The following CCM2 variants were observed in gnomAD, a reference collection of about 807,000 sequenced individuals.
CCM2 encodes the protein CCM2 scaffold protein, also known as cerebral cavernous malformations 2 protein.
Under a neutral mutation model 44.9 loss-of-function variants are expected in CCM2, and 25 were observed. The ratio of observed to expected loss-of-function variants is 0.56; its 90% confidence interval spans 0.41 to 0.78. The LOEUF is 0.78. CCM2 is among the 30% of genes least tolerant of loss of function. The pLI is 0.00. For missense variants in CCM2, 481 were observed against 580.6 expected, an observed-to-expected ratio of 0.83 and a Z score of 1.76; for synonymous variants, 219 against 241.1, an observed-to-expected ratio of 0.91 and a Z score of 0.85.
At chr7:45,002,346 A>C (rs964679071) in intron 1 of CCM2, among the ~76,000 whole-genome samples, 1 of 152,176 alleles carries the variant, frequency 6.6e-6, no homozygotes, top group Non-Finnish European at 1.5e-5. Flanking sequence ...CCAAGGCTCG[A>C]TCACTTTAGC....
At chr7:45,027,378 T>C in intron 1 of CCM2, 1 of 423,064 alleles carries the variant, frequency 2.4e-6, no homozygotes, top group South Asian at 2.1e-5. Context: ...ATGTGCAGAA[T>C]GGTGGACTTT....
intron 4 of CCM2, chr7:45,067,547 A>C (rs1055645471): frequency 1.3e-5 from 2 of 152,226 alleles, no homozygotes; most frequent in African/African-American, 4.8e-5. Context: ...AAAATCGTTG[A>C]GCTACATAGC....
chr7:45,027,720 C>T (rs376876775), intron 1 of CCM2: 49 of 1,613,884 alleles, frequency 3.0e-5, no homozygotes, highest in Middle Eastern at 1.6e-4. Flanking sequence ...TAGTAGCTGT[C>T]GGCAGAGGAG....
In CCM2 at chr7:45,042,517, CAA is replaced by C. The variant is rs149986548; in HGVS notation, c.204+4096_204+4097del. On this transcript the variant is annotated intron_variant, in intron 2 of 9. Coordinates refer to ENST00000258781, the MANE Select transcript of CCM2 (RefSeq NM_031443.4). Reference sequence around the variant, plus strand: ...TTCTGAAAAGTAAAGACAACAACAACAAAAAATCTTGAAAGTGGCAAGAAAGA... The same window carrying C: ...TTCTGAAAAGTAAAGACAACAACAACAAAATCTTGAAAGTGGCAAGAAAGA... 7.9e-3 allele frequency among the ~76,000 whole-genome samples: 1,203 copies of C among 152,022 alleles called. 16 individuals carry two copies. The highest frequency in any genetic ancestry group is 0.027 in the African/African-American group (1,129 of 41,478).
intron 2 of CCM2, among the ~76,000 whole-genome samples, chr7:45,061,765 A>G (rs1216208852): frequency 1.3e-5 from 2 of 152,168 alleles, no homozygotes; most frequent in Non-Finnish European, 2.9e-5. Context: ...GATTATGGGC[A>G]TGAGCCACCA....
chr7:45,003,101 G>C (rs1583826006), intron 1 of CCM2, among the ~76,000 whole-genome samples: 1 of 152,056 alleles, frequency 6.6e-6, no homozygotes, highest in Non-Finnish European at 1.5e-5. Flanking sequence ...TTGAGATAGA[G>C]TTTCGCTCTT....
At chr7:45,030,983 C>T (rs1415295306) in intron 1 of CCM2, among the ~76,000 whole-genome samples, 1 of 152,146 alleles carries the variant, frequency 6.6e-6, no homozygotes, top group African/African-American at 2.4e-5. Context: ...CTTAGCCTCC[C>T]AAAGTGGTGT....
Position 45,035,811 on chromosome 7 carries a change from TTATATACA to T in CCM2, c.31-2427_31-2420del, listed in dbSNP as rs759242367. 8.5e-5 allele frequency among the ~76,000 whole-genome samples: 13 copies of T among 152,184 alleles called. No homozygotes were observed. The South Asian group carries it at 2.1e-3, about 24-fold the overall frequency. On this transcript the variant is annotated intron_variant, in intron 1 of 9. Coordinates refer to ENST00000258781, the MANE Select transcript of CCM2 (RefSeq NM_031443.4). ...TAGTGATGAGTAGGAGACAGTCTGA[TTATATACA>T]TATATACATATATATATATATGTAT...
intron 1 of CCM2, among the ~76,000 whole-genome samples, chr7:45,021,425 A>G (rs1275496852): frequency 1.3e-5 from 2 of 151,756 alleles, no homozygotes; most frequent in Admixed American, 6.6e-5. Flanking sequence ...TTAGCCAGGC[A>G]TGGTGACACA....
At chr7:45,034,823 T>G (rs558613388) in intron 1 of CCM2, among the ~76,000 whole-genome samples, 2 of 151,858 alleles carry the variant, frequency 1.3e-5, no homozygotes, top group Non-Finnish European at 2.9e-5. Context: ...ACCCAGCTTC[T>G]GGAAGCATTT....
chr7:45,030,376 A>T (rs539202137), intron 1 of CCM2, among the ~76,000 whole-genome samples: 32 of 152,282 alleles, frequency 2.1e-4, no homozygotes, highest in South Asian at 1.2e-3. Context: ...GAGTTAAAGA[A>T]CCCATGATGG....
rs554344146 is a variant in CCM2, at chr7:45,027,915, T to C, written c.31-10338T>C. On this transcript the variant is annotated intron_variant, in intron 1 of 9. Transcript: ENST00000258781. The stretch of plus-strand genomic sequence containing the variant: ...CCCATTGTGAGCTAGGGTAGCCCAG[T>C]CTCCATGACCCCTGCTTTGGGAGGA... 6 of 1,030,324 alleles carry C rather than the reference T, an allele frequency of 5.8e-6. No homozygotes were observed. The East Asian group carries it at 1.3e-4, about 22-fold the overall frequency. 63.8% of individuals were successfully genotyped at this position (1,030,324 alleles called of 1,614,324 possible).
intron 2 of CCM2, chr7:45,043,701 T>A (rs749827744): frequency 2.5e-6 from 1 of 401,088 alleles, no homozygotes; most frequent in South Asian, 1.8e-5. Context: ...TTTTCTTTCC[T>A]TCTAGGGCTC....
At chr7:45,017,239 T>C (rs1796304215) in intron 1 of CCM2, among the ~76,000 whole-genome samples, 1 of 152,250 alleles carries the variant, frequency 6.6e-6, no homozygotes, top group East Asian at 1.9e-4. Context: ...TTGCATTCCA[T>C]GTTCACTTTG....
intron 2 of CCM2, among the ~76,000 whole-genome samples, chr7:45,055,262 TAGTC>T (rs1186699048): frequency 2.6e-5 from 4 of 152,268 alleles, no homozygotes; most frequent in African/African-American, 4.8e-5. Flanking sequence ...GACCCCATCT[TAGTC>T]AGTATTTTTT....
intron 1 of CCM2, among the ~76,000 whole-genome samples, chr7:45,023,156 A>G (rs796393217): frequency 1.4e-4 from 22 of 152,276 alleles, no homozygotes; most frequent in African/African-American, 5.3e-4. Flanking sequence ...AGTGTCCATT[A>G]TATCACTCTG....
intron 4 of CCM2, chr7:45,068,104 T>C: frequency 2.6e-6 from 1 of 390,504 alleles, no homozygotes; most frequent in South Asian, 2.2e-5. Context: ...AGTTTACCCA[T>C]CTGTAAGAAG....
At chr7:45,019,754 T>G (rs377373423) in intron 1 of CCM2, among the ~76,000 whole-genome samples, 2 of 152,230 alleles carry the variant, frequency 1.3e-5, no homozygotes, top group African/African-American at 4.8e-5. Flanking sequence ...ATTTTTATTT[T>G]TGTAGAAATG....
At chr7:45,050,978 T>G (rs1797975180) in intron 2 of CCM2, among the ~76,000 whole-genome samples, 1 of 152,162 alleles carries the variant, frequency 6.6e-6, no homozygotes, top group Non-Finnish European at 1.5e-5. Context: ...CTGATCATGC[T>G]CTAAAGCCTA....
Sources: allele counts gnomAD v4.1 joint callset (sites outside exome capture counted in the v4.1 genomes callset), GRCh38; gene constraint gnomAD v4.1.1; transcripts MANE v1.5; gene names NCBI Gene and HGNC (gene_info 2026-07-23, HGNC 2026-07-21).